The following CHSY3 variants were observed in gnomAD, a reference collection of about 807,000 sequenced individuals.
CHSY3 encodes N-acetylgalactosaminyl-proteoglycan 3-beta-glucuronosyltransferase 3.
CHSY3 carries 35 observed loss-of-function variants against 67.2 expected under a neutral mutation model. The ratio of observed to expected loss-of-function variants is 0.52; its 90% CI spans 0.40 to 0.69. The LOEUF (loss-of-function observed/expected upper bound fraction) is 0.69, where lower values mean the gene tolerates loss of function less well. Ranked by LOEUF, CHSY3 falls within the 30% of genes least tolerant of loss-of-function variation. The pLI is 0.00. For synonymous variants in CHSY3, 474 were observed against 434.7 expected (o/e 1.09, Z -1.12); for missense variants, 1,069 against 1,138.5 (o/e 0.94, Z 0.88).
chr5:130,151,744 A>G (rs1240621266), intron 2 of CHSY3, among the ~76,000 whole-genome samples: 3 of 152,170 alleles, frequency 2.0e-5, no homozygotes, highest in Non-Finnish European at 2.9e-5. Flanking sequence ...CTCACTCAGT[A>G]TCATGAGAAC....
rs185403463 is a variant in CHSY3 at position 129,962,253 on chromosome 5, T to A, written c.1086+53893T>A. On this transcript the variant is annotated intron_variant, in intron 2 of 2. Transcript: ENST00000305031. ...CCTTTTCTTCTCTAATCTCAGCAAA[T>A]GGTACCACCACCAAGCCAATTGAAC... Among the ~76,000 whole-genome samples, 30 of 152,120 alleles carry A rather than the reference T, an allele frequency of 2.0e-4. No homozygotes were observed. The East Asian group carries it at 2.9e-3, about 15-fold the overall frequency.
chr5:130,097,879 G>C (rs1319568163), intron 2 of CHSY3, among the ~76,000 whole-genome samples: 1 of 152,134 alleles, frequency 6.6e-6, no homozygotes, highest in Admixed American at 6.5e-5. Context: ...GGTGGTGGGC[G>C]CCTGTAGTCC....
chr5:130,095,198 T>C (rs1290784415), intron 2 of CHSY3, among the ~76,000 whole-genome samples: 2 of 152,208 alleles, frequency 1.3e-5, no homozygotes, highest in Non-Finnish European at 2.9e-5. Flanking sequence ...CCTAGTTCTC[T>C]TCATTGAGGA....
intron 2 of CHSY3, among the ~76,000 whole-genome samples, chr5:130,174,664 A>G (rs1403267285): frequency 6.6e-6 from 1 of 152,198 alleles, no homozygotes; most frequent in Non-Finnish European, 1.5e-5. Context: ...AACTAATTAT[A>G]TACAATAATA....
chr5:129,961,663 G>C (rs769535831), intron 2 of CHSY3, among the ~76,000 whole-genome samples: 1 of 151,388 alleles, frequency 6.6e-6, no homozygotes. Context: ...ATTATTCAAC[G>C]ATTCCCTCCT....
chr5:130,053,832 T>A (rs1422239507), intron 2 of CHSY3, among the ~76,000 whole-genome samples: 1 of 152,192 alleles, frequency 6.6e-6, no homozygotes, highest in African/African-American at 2.4e-5. Context: ...CTTTTAGGTG[T>A]ATTTTTCGTT....
At position 129,911,928 on chromosome 5, in the gene CHSY3, C is replaced by T. The variant is rs556482475; in HGVS notation, c.1086+3568C>T. ...AAAATTAGCCAGGCGTGGTGGCGGG[C>T]GCCTGTAGTCCCAGCTACTTGGGAG... On this transcript the variant is annotated intron_variant, in intron 2 of 2. Transcript: ENST00000305031. Among the ~76,000 whole-genome samples the T allele has an allele frequency of 4.5e-3, 687 of 152,044 alleles. 4 individuals carry two copies. Among genetic ancestry groups the T allele is most frequent in the Non-Finnish European group, 6.1e-3 (412 of 67,972 alleles).
intron 2 of CHSY3, among the ~76,000 whole-genome samples, chr5:129,921,958 T>G (rs1760939198): frequency 6.6e-6 from 1 of 152,162 alleles, no homozygotes; most frequent in Admixed American, 6.5e-5. Flanking sequence ...TCTAACTGTA[T>G]TTTTGTACCC....
At chr5:130,078,618 A>G (rs995750030) in intron 2 of CHSY3, among the ~76,000 whole-genome samples, 2 of 152,170 alleles carry the variant, frequency 1.3e-5, no homozygotes, top group Non-Finnish European at 2.9e-5. Context: ...ATTGTTGCTA[A>G]GCTAGAATGC....
At chr5:130,087,456 A>G (rs1474323557) in intron 2 of CHSY3, among the ~76,000 whole-genome samples, 1 of 152,030 alleles carries the variant, frequency 6.6e-6, no homozygotes, top group Non-Finnish European at 1.5e-5. Context: ...ATGATTGTAT[A>G]TCTAGAAAAC....
intron 2 of CHSY3, among the ~76,000 whole-genome samples, chr5:130,128,253 T>TGTGTGTGTGTGTGTGTGC (rs760472284): frequency 2.7e-5 from 4 of 150,908 alleles, no homozygotes; most frequent in East Asian, 3.9e-4. Context: ...TGTGTGTGTG[T>TGTGTGTGTGTGTGTGTGC]GCGCTCACAT....
intron 2 of CHSY3, among the ~76,000 whole-genome samples, chr5:130,018,364 CA>C (rs1764271419): frequency 6.6e-6 from 1 of 152,040 alleles, no homozygotes; most frequent in Non-Finnish European, 1.5e-5. Context: ...AACAAGTATC[CA>C]GAAATATAAT....
At chr5:129,931,032 C>T (rs1482513284) in intron 2 of CHSY3, among the ~76,000 whole-genome samples, 2 of 152,108 alleles carry the variant, frequency 1.3e-5, no homozygotes, top group Non-Finnish European at 2.9e-5. Flanking sequence ...CCTATAGTAA[C>T]AGTTGTAAGG....
chr5:130,017,982 C>T (rs1423135629), intron 2 of CHSY3, among the ~76,000 whole-genome samples: 2 of 152,154 alleles, frequency 1.3e-5, no homozygotes, highest in African/African-American at 4.8e-5. Context: ...TTTGTAGTAA[C>T]TGTTCGGTTT....
At chr5:130,086,827 A>G (rs1766649753) in intron 2 of CHSY3, among the ~76,000 whole-genome samples, 1 of 151,934 alleles carries the variant, frequency 6.6e-6, no homozygotes. Context: ...AAACTATTCC[A>G]ATCAATAGAA....
At chr5:130,099,804 A>G (rs1476804009) in intron 2 of CHSY3, among the ~76,000 whole-genome samples, 1 of 152,178 alleles carries the variant, frequency 6.6e-6, no homozygotes, top group Non-Finnish European at 1.5e-5. Context: ...GCTATGGCAC[A>G]TAATATGTCA....
chr5:129,949,403 A>T (rs1163487208), intron 2 of CHSY3, among the ~76,000 whole-genome samples: 1 of 152,180 alleles, frequency 6.6e-6, no homozygotes, highest in African/African-American at 2.4e-5. Context: ...ATCAATAATA[A>T]ATAGAAAATC....
chr5:130,084,438 G>GA (rs1766544859), intron 2 of CHSY3, among the ~76,000 whole-genome samples: 1 of 151,778 alleles, frequency 6.6e-6, no homozygotes, highest in Non-Finnish European at 1.5e-5. Flanking sequence ...TAAAATATTT[G>GA]AAAAAATTTA....
chr5:130,123,556 G>C (rs2149709909), intron 2 of CHSY3, among the ~76,000 whole-genome samples: 1 of 152,272 alleles, frequency 6.6e-6, no homozygotes, highest in Middle Eastern at 3.4e-3. Flanking sequence ...CTCACCTGCT[G>C]CTCAACTCCT....
Sources: gnomAD v4.1 joint callset for allele counts (sites outside exome capture counted in the v4.1 genomes callset) on GRCh38, gnomAD v4.1.1 for gene constraint, MANE v1.5 for transcripts, NCBI Gene and HGNC (gene_info 2026-07-23, HGNC 2026-07-21) for gene names.